Variants in ADAM18 observed in about 807,000 individuals in gnomAD.
ADAM18 encodes the protein disintegrin and metalloproteinase domain-containing protein 18.
ADAM18 carries 117 observed loss-of-function variants against 94.4 expected under a neutral mutation model. The ratio of observed to expected loss-of-function variants is 1.24; its 90% CI spans 1.07 to 1.45. The LOEUF (loss-of-function observed/expected upper bound fraction) is 1.45, where lower values mean the gene tolerates loss of function less well. Among genes scored for constraint, ADAM18 ranks in the 40% most tolerant of loss-of-function variants. The pLI, the probability that ADAM18 is intolerant of heterozygous loss-of-function variation, is 0.00. For missense variants in ADAM18, 936 were observed against 880.0 expected (o/e 1.06, Z -0.81); for synonymous variants, 327 against 291.6 (o/e 1.12, Z -1.24).
chr8:39,614,926 A>C (rs531566745), intron 6 of ADAM18, among the ~76,000 whole-genome samples: 1 of 152,340 alleles, frequency 6.6e-6, no homozygotes, highest in East Asian at 1.9e-4. Flanking sequence ...ACAGATTTTC[A>C]CTTAACACTG....
At chr8:39,627,622 C>G (rs1819809648) in intron 6 of ADAM18, among the ~76,000 whole-genome samples, 2 of 152,058 alleles carry the variant, frequency 1.3e-5, no homozygotes, top group African/African-American at 4.8e-5. Context: ...TTAGGTGAGT[C>G]TCTAGAAGAC....
At chr8:39,676,026 C>T (rs1821291419) in intron 14 of ADAM18, among the ~76,000 whole-genome samples, 1 of 152,174 alleles carries the variant, frequency 6.6e-6, no homozygotes, top group Non-Finnish European at 1.5e-5. Flanking sequence ...AGGGTCATCC[C>T]AGAGGGGCAG....
At chr8:39,598,655 C>G (rs1818810789) in intron 2 of ADAM18, among the ~76,000 whole-genome samples, 1 of 151,388 alleles carries the variant, frequency 6.6e-6, no homozygotes, top group Non-Finnish European at 1.5e-5. Flanking sequence ...GTGATCCCAG[C>G]TACTCGGGAG....
chr8:39,685,369 G>T, intron 16 of ADAM18: 1 of 152,220 alleles, frequency 6.6e-6, no homozygotes. Context: ...TTGAAGAGCG[G>T]TTTGCTATAA....
At chr8:39,693,298 T>C (rs969644072) in intron 17 of ADAM18, among the ~76,000 whole-genome samples, 4 of 151,558 alleles carry the variant, frequency 2.6e-5, no homozygotes, top group Non-Finnish European at 5.9e-5. Flanking sequence ...TATTTAATTC[T>C]ATAATTTCTA....
intron 3 of ADAM18, among the ~76,000 whole-genome samples, chr8:39,606,762 C>T (rs1020183188): frequency 6.6e-6 from 1 of 151,908 alleles, no homozygotes; most frequent in Non-Finnish European, 1.5e-5. Flanking sequence ...TGGGGGCAGG[C>T]GGGCTGAGTC....
At chr8:39,692,494 GTCTT>G (rs1235342511) in intron 16 of ADAM18, 102 bp from the exon 17 acceptor site, 2 of 480,568 alleles carry the variant, frequency 4.2e-6, no homozygotes, top group Non-Finnish European at 7.2e-6. Context: ...ATTACTAAAA[GTCTT>G]TCAACTTAAG....
chr8:39,699,316 G>T (rs1426778932), intron 17 of ADAM18, among the ~76,000 whole-genome samples: 1 of 151,836 alleles, frequency 6.6e-6, no homozygotes, highest in African/African-American at 2.4e-5. Context: ...TCCAATATTT[G>T]CTTAACTTGC....
chr8:39,728,799 C>T (rs1822992515), intron 19 of ADAM18, among the ~76,000 whole-genome samples: 1 of 151,952 alleles, frequency 6.6e-6, no homozygotes, highest in South Asian at 2.1e-4. Context: ...CTGGAGAAGA[C>T]AATCAATATT....
intron 16 of ADAM18, among the ~76,000 whole-genome samples, chr8:39,690,605 T>C (rs954875480): frequency 2.0e-5 from 3 of 152,350 alleles, no homozygotes; most frequent in African/African-American, 2.4e-5. Context: ...ATTTGTATTG[T>C]TGTGCAACTG....
intron 6 of ADAM18, among the ~76,000 whole-genome samples, chr8:39,612,802 C>A (rs936216014): frequency 6.6e-6 from 1 of 152,120 alleles, no homozygotes; most frequent in Admixed American, 6.5e-5. Flanking sequence ...TGCCATAGCT[C>A]CTTCATCAGC....
intron 16 of ADAM18, among the ~76,000 whole-genome samples, chr8:39,689,859 AT>A (rs1409249842): frequency 3.3e-5 from 5 of 151,974 alleles, no homozygotes; most frequent in African/African-American, 2.4e-5. Flanking sequence ...TGTTTATGTC[AT>A]CTGTGATTTC....
intron 3 of ADAM18, 35 bp from the exon 4 acceptor site, chr8:39,609,007 G>A (rs1275220910): frequency 2.5e-6 from 3 of 1,199,750 alleles, no homozygotes; most frequent in South Asian, 2.8e-5. Context: ...TTAAGATTAT[G>A]ATTCATACTT....
At chr8:39,683,954 T>C (rs886890876) in intron 16 of ADAM18, among the ~76,000 whole-genome samples, 5 of 152,010 alleles carry the variant, frequency 3.3e-5, no homozygotes, top group Non-Finnish European at 1.5e-5. Flanking sequence ...CTGGGAAACA[T>C]AGCGAGAACT....
intron 6 of ADAM18, among the ~76,000 whole-genome samples, chr8:39,625,351 T>G (rs1429156182): frequency 1.3e-5 from 2 of 152,182 alleles, no homozygotes; most frequent in Non-Finnish European, 2.9e-5. Context: ...ATTGTTGGTG[T>G]ATAGCCATGC....
At chr8:39,719,200 G>A (rs1173324993) in intron 18 of ADAM18, among the ~76,000 whole-genome samples, 3 of 151,252 alleles carry the variant, frequency 2.0e-5, no homozygotes, top group Non-Finnish European at 4.4e-5. Flanking sequence ...ATGGAAAATG[G>A]ATTTCTAATA....
At chr8:39,691,323 C>T (rs1379480306) in intron 16 of ADAM18, among the ~76,000 whole-genome samples, 3 of 152,038 alleles carry the variant, frequency 2.0e-5, no homozygotes, top group African/African-American at 7.2e-5. Flanking sequence ...CAAAAAGTAA[C>T]CCATGTTAGC....
At chr8:39,621,309 T>TCACACACACACACACACA (rs55818122) in intron 6 of ADAM18, among the ~76,000 whole-genome samples, 1 of 128,856 alleles carries the variant, frequency 7.8e-6, no homozygotes, top group Non-Finnish European at 1.7e-5. Flanking sequence ...CATGACAAAA[T>TCACACACACACACACACA]CACACACACA....
intron 6 of ADAM18, among the ~76,000 whole-genome samples, chr8:39,619,290 G>A (rs1051374908): frequency 1.3e-5 from 2 of 151,220 alleles, no homozygotes; most frequent in African/African-American, 2.4e-5. Flanking sequence ...GAAATACCAC[G>A]TTTTAACTCT....
Sources: gnomAD v4.1 joint callset for allele counts (sites outside exome capture counted in the v4.1 genomes callset) on GRCh38, gnomAD v4.1.1 for gene constraint, MANE v1.5 for transcripts, NCBI Gene and HGNC (gene_info 2026-07-23, HGNC 2026-07-21) for gene names.